The following ACTL8 variants were observed in gnomAD, a reference collection of about 807,000 sequenced individuals.
ACTL8 encodes the protein actin-like protein 8.
Under a neutral mutation model 9.3 loss-of-function variants are expected in ACTL8, and 3 were observed. The ratio of observed to expected loss-of-function variants is 0.32; its 90% CI spans 0.15 to 0.83. The LOEUF (loss-of-function observed/expected upper bound fraction) is 0.83, where lower values mean the gene tolerates loss of function less well. ACTL8 is among the 40% of genes least tolerant of loss of function. The pLI is 0.57. For synonymous variants in ACTL8, 224 were observed against 205.9 expected (o/e 1.09, Z -0.75); for missense variants, 381 against 492.2 (o/e 0.77, Z 2.14).
Position 17,801,329 on chromosome 1 carries a change from C to A in ACTL8, c.-24-21656C>A, listed in dbSNP as rs185649466. 1.7e-3 allele frequency among the ~76,000 whole-genome samples: 254 copies of A among 152,276 alleles called. 2 individuals are homozygous for A. Among genetic ancestry groups the A allele is most frequent in the African/African-American group, 5.8e-3 (240 of 41,530 alleles). On this transcript the variant is annotated intron_variant, in intron 1 of 2. Coordinates refer to ENST00000375406, the MANE Select transcript of ACTL8 (RefSeq NM_030812.3). The stretch of plus-strand genomic sequence containing the variant: ...GGGAAGAGTATAAATGGACACACAG[C>A]AATTCTAGATATTTAAAGCTGTAAA...
intron 1 of ACTL8, among the ~76,000 whole-genome samples, chr1:17,787,386 C>T (rs1034456731): frequency 6.6e-6 from 1 of 152,122 alleles, no homozygotes; most frequent in African/African-American, 2.4e-5. Flanking sequence ...TGCTCAGCCT[C>T]CCAAGTAGCT....
intron 1 of ACTL8, among the ~76,000 whole-genome samples, chr1:17,806,171 G>A (rs1298934022): frequency 6.6e-6 from 1 of 152,150 alleles, no homozygotes; most frequent in Non-Finnish European, 1.5e-5. Context: ...GGTTTATTGA[G>A]TAATTCTCAC....
intron 1 of ACTL8, among the ~76,000 whole-genome samples, chr1:17,794,244 A>G (rs181854910): frequency 2.9e-4 from 44 of 152,328 alleles, no homozygotes; most frequent in African/African-American, 9.6e-4. Context: ...TTAAGAGCCC[A>G]GTGGAGTGGA....
chr1:17,777,898 G>A (rs765984520), intron 1 of ACTL8, among the ~76,000 whole-genome samples: 7 of 152,266 alleles, frequency 4.6e-5, no homozygotes, highest in East Asian at 1.9e-4. Context: ...AGGTTTCACC[G>A]TGGTGGCCAG....
At chr1:17,770,987 A>G (rs1461328205) in intron 1 of ACTL8, among the ~76,000 whole-genome samples, 1 of 152,196 alleles carries the variant, frequency 6.6e-6, no homozygotes, top group African/African-American at 2.4e-5. Context: ...CTAAGAACTC[A>G]TCTGTAATGG....
chr1:17,779,134 C>T (rs1360290976), intron 1 of ACTL8, among the ~76,000 whole-genome samples: 1 of 152,178 alleles, frequency 6.6e-6, no homozygotes, highest in Non-Finnish European at 1.5e-5. Context: ...CTAAACGACT[C>T]ACAGGCTCAC....
At chr1:17,800,583 C>CT (rs59143238) in intron 1 of ACTL8, among the ~76,000 whole-genome samples, 12,356 of 69,150 alleles carry the variant, frequency 0.18, 3,562 homozygotes, top group East Asian at 0.32. Flanking sequence ...TGGTGTCAAT[C>CT]TTTTTTTTTT....
chr1:17,804,540 A>G (rs1242326878), intron 1 of ACTL8, among the ~76,000 whole-genome samples: 1 of 151,752 alleles, frequency 6.6e-6, no homozygotes, highest in Non-Finnish European at 1.5e-5. Flanking sequence ...GGACCCAGCA[A>G]ATGGCTGCCC....
At chr1:17,801,797 TTTAAA>T (rs1348760901) in intron 1 of ACTL8, among the ~76,000 whole-genome samples, 1 of 152,222 alleles carries the variant, frequency 6.6e-6, no homozygotes, top group Non-Finnish European at 1.5e-5. Flanking sequence ...AGTATGAATT[TTTAAA>T]TTAAATGTAT....
chr1:17,790,258 C>G (rs561142012), intron 1 of ACTL8, among the ~76,000 whole-genome samples: 46 of 152,362 alleles, frequency 3.0e-4, no homozygotes, highest in African/African-American at 1.0e-3. Context: ...GCTCCCAGGT[C>G]TGGGCTCCCT....
At position 17,760,222 on chromosome 1, in the gene ACTL8, A is replaced by G. The variant is rs574442678; in HGVS notation, c.-25+4718A>G. Among the ~76,000 whole-genome samples the G allele has an allele frequency of 2.0e-5, 3 of 152,262 alleles. No homozygotes were observed. The East Asian group carries it at 5.8e-4, about 29-fold the overall frequency. On this transcript the variant is annotated intron_variant, in intron 1 of 2. Coordinates refer to ENST00000375406, the MANE Select transcript of ACTL8 (RefSeq NM_030812.3). ...CTTTCAATTTGTCTAGAGGGTGCTGAGGAGCTGCTGGAAGTTTTGTGGGTC... is the reference window on the plus strand; with the variant it reads ...CTTTCAATTTGTCTAGAGGGTGCTGGGGAGCTGCTGGAAGTTTTGTGGGTC...
intron 1 of ACTL8, among the ~76,000 whole-genome samples, chr1:17,799,754 G>A (rs1349280943): frequency 2.0e-5 from 3 of 151,878 alleles, no homozygotes; most frequent in Admixed American, 6.6e-5. Flanking sequence ...ATCCATCTGG[G>A]TTCTGTCCTG....
At chr1:17,816,288 G>A (rs1230173233) in intron 1 of ACTL8, among the ~76,000 whole-genome samples, 3 of 147,630 alleles carry the variant, frequency 2.0e-5, no homozygotes, top group South Asian at 2.1e-4. Flanking sequence ...TGCAAACTCC[G>A]CCTCCTGGGC....
intron 1 of ACTL8, among the ~76,000 whole-genome samples, chr1:17,803,220 A>G (rs573973798): frequency 6.6e-6 from 1 of 150,536 alleles, no homozygotes; most frequent in Non-Finnish European, 1.5e-5. Context: ...TTTGCTCGGC[A>G]CTTCTCCTTG....
At chr1:17,774,386 C>T (rs768312726) in intron 1 of ACTL8, among the ~76,000 whole-genome samples, 34 of 151,768 alleles carry the variant, frequency 2.2e-4, no homozygotes, top group African/African-American at 3.4e-4. Flanking sequence ...GTAGGTGCTC[C>T]GTAAATATCA....
chr1:17,810,543 T>C lies in ACTL8; in HGVS notation c.-24-12442T>C, dbSNP rs148104124. Among the ~76,000 whole-genome samples, 216 of 152,342 alleles carry C rather than the reference T, an allele frequency of 1.4e-3. 1 individual carries two copies. Among genetic ancestry groups the C allele is most frequent in the Middle Eastern group, 6.8e-3 (2 of 294 alleles). On this transcript the variant is annotated intron_variant, in intron 1 of 2. Transcript: ENST00000375406. ...TCAAAAATTTCACCTTAAAATGTCATGTGGCGAGACTCGCTTTTTTTGATG... is the reference window on the plus strand; with the variant it reads ...TCAAAAATTTCACCTTAAAATGTCACGTGGCGAGACTCGCTTTTTTTGATG...
intron 1 of ACTL8, among the ~76,000 whole-genome samples, chr1:17,792,520 C>T (rs1415927378): frequency 6.6e-6 from 1 of 152,218 alleles, no homozygotes; most frequent in Non-Finnish European, 1.5e-5. Flanking sequence ...TCGTGTACAA[C>T]ATTCATGTTC....
Position 17,768,650 on chromosome 1 carries a change from G to A in ACTL8, c.-25+13146G>A, listed in dbSNP as rs2066062797. ...GGGTTCCCAGGTCTGGGGAAGTTTT[G>A]GACACAGTGATCCGGCTGGGCCTCT... On this transcript the variant is annotated intron_variant, in intron 1 of 2. Transcript: ENST00000375406. Among the ~76,000 whole-genome samples, 4 of 152,170 alleles carry A rather than the reference G, an allele frequency of 2.6e-5. No individual in the cohort carries two copies. In the South Asian group the frequency reaches 8.3e-4, roughly 32 times the overall value.
intron 1 of ACTL8, among the ~76,000 whole-genome samples, chr1:17,805,223 C>T (rs2066350648): frequency 6.6e-6 from 1 of 152,058 alleles, no homozygotes; most frequent in African/African-American, 2.4e-5. Flanking sequence ...GCTTCCTGCC[C>T]TCACTACTTT....
Sources: gnomAD v4.1 joint callset for allele counts (sites outside exome capture counted in the v4.1 genomes callset) on GRCh38, gnomAD v4.1.1 for gene constraint, MANE v1.5 for transcripts, NCBI Gene and HGNC (gene_info 2026-07-23, HGNC 2026-07-21) for gene names.